The following ANKMY1 variants were observed in gnomAD, a reference collection of about 807,000 sequenced individuals.
The protein encoded by ANKMY1 is ankyrin repeat and MYND domain-containing protein 1.
A neutral mutation model predicts 102.0 loss-of-function variants in ANKMY1; 98 were observed. That is an observed-to-expected ratio of 0.96 (90% CI 0.82 to 1.14). The LOEUF is 1.14. Ranked by LOEUF, ANKMY1 falls within the 50% of genes most tolerant of loss-of-function variation. ANKMY1 has a pLI of 0.00. For missense variants in ANKMY1, 1,330 were observed against 1,347.6 expected, an observed-to-expected ratio of 0.99 and a Z score of 0.20; for synonymous variants, 582 against 559.9, an observed-to-expected ratio of 1.04 and a Z score of -0.56.
intron 4 of ANKMY1, among the ~76,000 whole-genome samples, chr2:240,531,380 C>T (rs1038779088): frequency 6.6e-6 from 1 of 152,252 alleles, no homozygotes; most frequent in Non-Finnish European, 1.5e-5. Flanking sequence ...AGCAACCCCA[C>T]TCTTGGGTAT....
intron 4 of ANKMY1, among the ~76,000 whole-genome samples, chr2:240,551,092 G>C (rs1347898167): frequency 6.6e-6 from 1 of 151,904 alleles, no homozygotes; most frequent in Non-Finnish European, 1.5e-5. Flanking sequence ...CACCCAATAT[G>C]ACACAGGGCA....
At chr2:240,521,267 A>T (rs1291107826) in intron 8 of ANKMY1, among the ~76,000 whole-genome samples, 9 of 152,110 alleles carry the variant, frequency 5.9e-5, no homozygotes, top group Admixed American at 5.9e-4. Context: ...ATCGTCCTTG[A>T]GCACTTGAGC....
chr2:240,499,988 C>A lies in ANKMY1; in HGVS notation c.2776G>T (p.Asp926Tyr). ...QAVFAKESQW[D>Y]PTWLYLCKRA... ...TTGCACAGGTACAGCCACGTGGGGT[C>A]CCACTGGCTCTCCTTGGCAAAGACA... is the stretch of plus-strand genomic sequence containing the variant. The change falls in exon 15 of 18, where the codon GAC (aspartate) becomes TAC (tyrosine). Residue 926 changes from aspartate to tyrosine, a missense_variant. Coordinates refer to ENST00000401804, the MANE Select transcript of ANKMY1 (RefSeq NM_001282771.3). The surrounding 1 kb of genome is among the most constrained non-coding windows in gnomAD (Gnocchi z 4.2). The A allele has an allele frequency of 6.2e-7, 1 of 1,612,916 alleles. No homozygotes were observed. The highest frequency in any genetic ancestry group is 8.5e-7 in the Non-Finnish European group (1 of 1,179,784).
At chr2:240,504,492 C>T (rs1376292413) in intron 13 of ANKMY1, among the ~76,000 whole-genome samples, 1 of 152,094 alleles carries the variant, frequency 6.6e-6, no homozygotes, top group East Asian at 1.9e-4. Context: ...AAATTAAAAA[C>T]TTTTGTATAT....
intron 4 of ANKMY1, among the ~76,000 whole-genome samples, chr2:240,536,063 T>C (rs1344144769): frequency 6.6e-6 from 1 of 152,092 alleles, no homozygotes; most frequent in Admixed American, 6.5e-5. Flanking sequence ...AACAAAAAAC[T>C]ATCTAGAGCC....
At chr2:240,539,477 A>G (rs559738468) in intron 4 of ANKMY1, among the ~76,000 whole-genome samples, 37 of 152,340 alleles carry the variant, frequency 2.4e-4, no homozygotes, top group African/African-American at 8.4e-4. Context: ...AACTCCCGAC[A>G]CACCATCTTT....
At chr2:240,556,363 A>G (rs1326627029) in intron 2 of ANKMY1, among the ~76,000 whole-genome samples, 1 of 152,200 alleles carries the variant, frequency 6.6e-6, no homozygotes, top group Non-Finnish European at 1.5e-5. Flanking sequence ...CACTGTGTTC[A>G]AGGAGAAAGA....
downstream of ANKMY1, among the ~76,000 whole-genome samples, chr2:240,478,886 C>T (rs973957051): frequency 3.9e-5 from 6 of 152,144 alleles, 1 homozygote; most frequent in South Asian, 2.1e-4. Flanking sequence ...CGTCCTCATC[C>T]CTGGACGCTG....
chr2:240,526,971 T>C (rs1415782690), intron 5 of ANKMY1: 4 of 1,031,692 alleles, frequency 3.9e-6, no homozygotes, highest in East Asian at 8.6e-5. Flanking sequence ...TATAGATGCT[T>C]CTGTACCTAA....
chr2:240,477,769 T>C (rs1440871458), downstream of ANKMY1, among the ~76,000 whole-genome samples: 1 of 152,188 alleles, frequency 6.6e-6, no homozygotes, highest in African/African-American at 2.4e-5. Context: ...GCTATATTCA[T>C]TTGGGGAAAT....
rs1163324817 is a variant in ANKMY1 at position 240,479,675 on chromosome 2, G to C, written c.3047-20C>G. 1 of 1,611,802 alleles carries C rather than the reference G, an allele frequency of 6.2e-7. No individual in the cohort carries two copies. The highest frequency in any genetic ancestry group is 8.5e-7 in the Non-Finnish European group (1 of 1,179,390). On this transcript the variant is annotated intron_variant, in intron 17 of 17. Transcript: ENST00000401804. ...GTGTCACTGGAGGAGGAAAAGGTGT[G>C]GGGGAGGGGGAAGAGGGGGCTGGAG... is the stretch of plus-strand genomic sequence containing the variant.
At chr2:240,545,548 G>A (rs1056832581) in intron 4 of ANKMY1, among the ~76,000 whole-genome samples, 10 of 152,196 alleles carry the variant, frequency 6.6e-5, no homozygotes, top group African/African-American at 2.2e-4. Context: ...GGCTTCAGAC[G>A]ATCAAATTAC....
chr2:240,473,856 G>A, the ANKMY1 span, among the ~76,000 whole-genome samples: 1 of 151,948 alleles, frequency 6.6e-6, no homozygotes, highest in African/African-American at 2.4e-5. Flanking sequence ...GATACAGAAG[G>A]AATATACCTC....
rs1346709728 is a variant in ANKMY1, at chr2:240,506,146, T to C, written c.2526+1414A>G. On this transcript the variant is annotated intron_variant, in intron 13 of 17. Transcript: ENST00000401804. This position sits in a 1 kb window ranked among gnomAD's most constrained non-coding sequence, Gnocchi z 4.9. ...CGCTGGGAAGCCCCCTAACCCCGGA[T>C]GAGGCGCTGGGAGCCCCCAACCCCG... is the stretch of plus-strand genomic sequence containing the variant. Among the ~76,000 whole-genome samples the C allele has an allele frequency of 6.6e-6, 1 of 152,054 alleles. No homozygotes were observed. Among genetic ancestry groups the C allele is most frequent in the East Asian group, 1.9e-4 (1 of 5,162 alleles).
Position 240,479,492 on chromosome 2 carries a change from C to T in ANKMY1, c.*117G>A, listed in dbSNP as rs1458343820. 4.7e-6 allele frequency: 6 copies of T among 1,267,044 alleles called. No individual in the cohort carries two copies. The highest frequency in any genetic ancestry group is 6.8e-6 in the Non-Finnish European group (6 of 885,482). 78.5% of individuals were successfully genotyped at this position (1,267,044 alleles called of 1,614,324 possible). The stretch of plus-strand genomic sequence containing the variant: ...AGGGAGACACTGCTACAAAGCATGA[C>T]CCCAAAGGTGCAGAAATGCCTGCAT... On this transcript the variant is annotated 3_prime_UTR_variant, in exon 18 of 18. Coordinates refer to ENST00000401804, the MANE Select transcript of ANKMY1 (RefSeq NM_001282771.3).
intron 15 of ANKMY1, among the ~76,000 whole-genome samples, chr2:240,484,478 G>A (rs556732596): frequency 3.9e-5 from 6 of 152,282 alleles, no homozygotes; most frequent in Admixed American, 2.6e-4. Context: ...AATAAATGGT[G>A]TTGGGAAAAC....
At position 240,521,486 on chromosome 2, in the gene ANKMY1, T is replaced by TA. The variant is rs546464166; in HGVS notation, c.1833-954dup. ...AATGAAGTCGCGGAACTCGCGGTGT[T>TA]ACAGCTTTTTTTTTTTTTTTTTTTT... On this transcript the variant is annotated intron_variant, in intron 8 of 17. Coordinates refer to ENST00000401804, the MANE Select transcript of ANKMY1 (RefSeq NM_001282771.3). Among the ~76,000 whole-genome samples, 414 of 143,224 alleles carry TA rather than the reference T, an allele frequency of 2.9e-3. 10 individuals are homozygous for TA. The highest frequency in any genetic ancestry group is 0.01 in the African/African-American group (386 of 38,228). The allele number at this position is 143,224 out of a possible 152,430, so 94.0% of individuals were successfully genotyped here. A position where few individuals can be genotyped will look rare whatever the true frequency, so the allele number is the denominator to read the frequency against.
intron 13 of ANKMY1, among the ~76,000 whole-genome samples, chr2:240,504,986 A>AACAC (rs760064796): frequency 2.3e-4 from 35 of 150,194 alleles, no homozygotes; most frequent in Non-Finnish European, 3.9e-4. Flanking sequence ...GACTCTGTTA[A>AACAC]ACACACACAC....
intron 4 of ANKMY1, among the ~76,000 whole-genome samples, chr2:240,530,204 G>C (rs1182986119): frequency 6.6e-6 from 1 of 152,206 alleles, no homozygotes; most frequent in Non-Finnish European, 1.5e-5. Flanking sequence ...CAGGTGCCCA[G>C]GGGAGGGAGC....
Sources: allele counts gnomAD v4.1 joint callset (sites outside exome capture counted in the v4.1 genomes callset), GRCh38; gene constraint gnomAD v4.1.1; non-coding constraint Gnocchi (gnomAD v3.1); transcripts MANE v1.5; gene names NCBI Gene and HGNC (gene_info 2026-07-23, HGNC 2026-07-21).